The following KIDINS220 variants were observed in gnomAD, a reference collection of about 807,000 sequenced individuals.
KIDINS220 encodes the protein kinase D-interacting substrate of 220 kDa.
KIDINS220 carries 63 observed loss-of-function variants against 157.6 expected under a neutral mutation model. The ratio of observed to expected loss-of-function variants is 0.40; its 90% CI spans 0.33 to 0.49. The LOEUF is 0.49. KIDINS220 is among the 20% of genes least tolerant of loss of function. The probability of loss-of-function intolerance (pLI) is 0.66; values close to 1 mark genes in which losing one functional copy is unlikely to be tolerated. For synonymous variants in KIDINS220, 732 were observed against 783.6 expected (o/e 0.93, Z 1.10); for missense variants, 1,772 against 2,171.2 (o/e 0.82, Z 3.65).
In KIDINS220 at chr2:8,803,031, T is replaced by C; in HGVS notation, c.700A>G (p.Lys234Glu). 6.2e-7 allele frequency: 1 copy of C among 1,613,754 alleles called. No individual in the cohort carries two copies. Among genetic ancestry groups the C allele is most frequent in the Non-Finnish European group, 8.5e-7 (1 of 1,179,960 alleles). ...ATCATCAAAGCTGTATTTCCATCTT[T>C]ATCTGTTAAGTTTACATTTGGATTC... ...KRNPNVNLTD[K>E]DGNTALMIAS... The change falls in exon 8 of 30, where the codon AAA (lysine) becomes GAA (glutamate). Residue 234 changes from lysine (K) to glutamate (E), a missense_variant. Physicochemically the swap from Lys to Glu is moderately conservative, Grantham distance 56 (BLOSUM62 1). Around this residue, in one of 3 missense-constraint regions of KIDINS220, gnomAD observed 725 missense variants for 1,017.1 expected, o/e 0.71. Coordinates refer to ENST00000256707, the MANE Select transcript of KIDINS220 (RefSeq NM_020738.4).
chr2:8,799,839 G>A (rs1674452691), intron 9 of KIDINS220, among the ~76,000 whole-genome samples: 1 of 152,188 alleles, frequency 6.6e-6, no homozygotes, highest in African/African-American at 2.4e-5. Flanking sequence ...AGCTCTTGAA[G>A]TATTTGATAA....
Position 8,731,906 on chromosome 2 carries a change from T to G in KIDINS220, c.4130A>C (p.Asp1377Ala), listed in dbSNP as rs1448329150. The G allele has an allele frequency of 6.2e-7, 1 of 1,612,866 alleles. No homozygotes were observed. The highest frequency in any genetic ancestry group is 8.5e-7 in the Non-Finnish European group (1 of 1,179,712). ...DSSIEISKLT[D>A]KVQAEYRDAY... ...ATCTCTATACTCGGCCTGCACCTTA[T>G]CAGTAAGCTTTGAAATTTCAATACT... The change falls in exon 30 of 30, where the codon GAT becomes GCT. Residue 1377 changes from aspartate (D) to alanine (A), a missense_variant. Transcript: ENST00000256707. The surrounding 1 kb of genome is among the most constrained non-coding windows in gnomAD (Gnocchi z 5.2).
chr2:8,723,257 G>A (rs1663066656), downstream of KIDINS220: 2 of 152,324 alleles, frequency 1.3e-5, no homozygotes, highest in Non-Finnish European at 2.9e-5. Context: ...GAAGCCACAT[G>A]CGTCACTTCC....
chr2:8,786,753 C>T (rs12329306), intron 15 of KIDINS220, among the ~76,000 whole-genome samples: 62,929 of 151,834 alleles, frequency 0.41, 15,092 homozygotes, highest in East Asian at 0.59. Context: ...CTAACACCAA[C>T]GAAAGAGACT....
At chr2:8,757,590 A>G in intron 22 of KIDINS220, 1 of 1,563,330 alleles carries the variant, frequency 6.4e-7, no homozygotes, top group Non-Finnish European at 8.7e-7. Context: ...GAAGTTTTGA[A>G]TATTTGCCAT....
At chr2:8,743,257 A>C (rs1364476283) in intron 26 of KIDINS220, among the ~76,000 whole-genome samples, 1 of 152,222 alleles carries the variant, frequency 6.6e-6, no homozygotes, top group Non-Finnish European at 1.5e-5. Flanking sequence ...TAGGGCTAAG[A>C]AGCATCAACA....
At chr2:8,741,809 ATTTTTCACTATAC>A (rs1665664116) in intron 26 of KIDINS220, among the ~76,000 whole-genome samples, 1 of 152,212 alleles carries the variant, frequency 6.6e-6, no homozygotes, top group East Asian at 1.9e-4. Context: ...AGTGAAGACA[ATTTTTCACTATAC>A]TTTAATAAGA....
Position 8,803,074 on chromosome 2 carries a change from T to C in KIDINS220, c.657A>G (p.Val219=), listed in dbSNP as rs1558455180. ...TTGGATTCCTCTTCAAAATTTCTTT[T>C]ACTGACTGTGTGTAACCTCCTTTCA... ...VAVKGGYTQS[V]KEILKRNPNV... is the part of the protein sequence containing the mutation. Residue 219 remains valine, a synonymous_variant, in exon 8 of 30, where the codon GTA becomes GTG. Transcript: ENST00000256707. 2 of 1,613,058 alleles carry C rather than the reference T, an allele frequency of 1.2e-6. No homozygotes were observed. Among genetic ancestry groups the C allele is most frequent in the Non-Finnish European group, 8.5e-7 (1 of 1,179,960 alleles).
rs1441502574 is a variant in KIDINS220 at position 8,789,862 on chromosome 2, T to C, written c.1621+18A>G. 3 of 1,548,510 alleles carry C rather than the reference T, an allele frequency of 1.9e-6. No individual in the cohort carries two copies. Among genetic ancestry groups the C allele is most frequent in the Non-Finnish European group, 2.6e-6 (3 of 1,148,702 alleles). ...ACGTTTTCTCCATTTTTGAAAAAGA[T>C]AAAAAGCAAAGACTTACTAAAGAAT... is the stretch of plus-strand genomic sequence containing the variant. On this transcript the variant is annotated intron_variant, in intron 14 of 29. Coordinates refer to ENST00000256707, the MANE Select transcript of KIDINS220 (RefSeq NM_020738.4).
At chr2:8,796,691 T>A in intron 11 of KIDINS220, 80 bp downstream of exon 11, 3 of 1,046,376 alleles carry the variant, frequency 2.9e-6, no homozygotes, top group Non-Finnish European at 4.5e-6. Flanking sequence ...TAAAATCAGA[T>A]CCCCATTAAA....
chr2:8,827,118 T>C lies in KIDINS220; in HGVS notation c.-25A>G. The stretch of plus-strand genomic sequence containing the variant: ...TTTTCACAGAAAGCTGCAATTAACT[T>C]TATTTGAATACCTGTTAAATTAGAC... On this transcript the variant is annotated 5_prime_UTR_variant, in exon 2 of 30. Coordinates refer to ENST00000256707, the MANE Select transcript of KIDINS220 (RefSeq NM_020738.4). 1 of 1,269,690 alleles carries C rather than the reference T, an allele frequency of 7.9e-7. No homozygotes were observed. Among genetic ancestry groups the C allele is most frequent in the African/African-American group, 1.5e-5 (1 of 67,638 alleles). 78.7% of individuals were successfully genotyped at this position (1,269,690 alleles called of 1,614,324 possible). A position where few individuals can be genotyped will look rare whatever the true frequency, so the allele number is the denominator to read the frequency against.
At chr2:8,726,865 C>T (rs1053783836), downstream of KIDINS220, 2 of 1,269,298 alleles carry the variant, frequency 1.6e-6, no homozygotes, top group South Asian at 2.5e-5. Context: ...CAGCTGACTT[C>T]GAAAACTAAT....
intron 22 of KIDINS220, among the ~76,000 whole-genome samples, chr2:8,769,645 G>T (rs1453377720): frequency 6.6e-6 from 1 of 152,120 alleles, no homozygotes; most frequent in African/African-American, 2.4e-5. Flanking sequence ...TAACCGCTTA[G>T]CAAACGTTCA....
At chr2:8,747,503 C>T (rs1201501156) in intron 25 of KIDINS220, 2 of 460,172 alleles carry the variant, frequency 4.3e-6, no homozygotes, top group Non-Finnish European at 7.8e-6. Flanking sequence ...TCCTTCAATA[C>T]ATCCTCTATT....
At chr2:8,774,006 T>C (rs940141348) in intron 21 of KIDINS220, among the ~76,000 whole-genome samples, 4 of 151,990 alleles carry the variant, frequency 2.6e-5, no homozygotes, top group African/African-American at 9.7e-5. Context: ...AAAACAACAA[T>C]AAGAAAGACA....
chr2:8,757,121 GAA>G, intron 22 of KIDINS220: 3 of 317,812 alleles, frequency 9.4e-6, no homozygotes, highest in Non-Finnish European at 1.3e-5. Flanking sequence ...TTCATTTTAG[GAA>G]AAAAAAAAGA....
In KIDINS220 at chr2:8,744,389, ATATATAT is replaced by A. The variant is rs1666203283; in HGVS notation, c.3585+2749_3585+2755del. On this transcript the variant is annotated intron_variant, in intron 26 of 29. Coordinates refer to ENST00000256707, the MANE Select transcript of KIDINS220 (RefSeq NM_020738.4). The stretch of plus-strand genomic sequence containing the variant: ...AAAAAAAAAAAAAAAAAAAAAAAAA[ATATATAT>A]ATATAATATATATATATATATATAT... 3.6e-4 allele frequency among the ~76,000 whole-genome samples: 10 copies of A among 27,888 alleles called. 1 individual carries two copies. Among genetic ancestry groups the A allele is most frequent in the African/African-American group, 1.7e-3 (10 of 6,010 alleles). The allele number at this position is 27,888 out of a possible 152,430, so 18.3% of individuals were successfully genotyped here. A position where few individuals can be genotyped will look rare whatever the true frequency, so the allele number is the denominator to read the frequency against.
chr2:8,781,637 A>G (rs1671739868), intron 17 of KIDINS220, among the ~76,000 whole-genome samples: 2 of 152,214 alleles, frequency 1.3e-5, no homozygotes, highest in Non-Finnish European at 2.9e-5. Context: ...CAAAACATGC[A>G]GAGATTTAAA....
chr2:8,792,193 G>A lies in KIDINS220; in HGVS notation c.1277-969C>T, dbSNP rs186416703. 7.2e-5 allele frequency among the ~76,000 whole-genome samples: 11 copies of A among 152,240 alleles called. 1 individual carries two copies. Among genetic ancestry groups the A allele is most frequent in the Admixed American group, 6.5e-4 (10 of 15,286 alleles). ...TATAGGAAAAACTTTAAAAATCTTT[G>A]TTTAAAAAGGCCTTTCTTTTGCAAT... is the stretch of plus-strand genomic sequence containing the variant. On this transcript the variant is annotated intron_variant, in intron 12 of 29. Coordinates refer to ENST00000256707, the MANE Select transcript of KIDINS220 (RefSeq NM_020738.4).
Sources: allele counts gnomAD v4.1 joint callset (sites outside exome capture counted in the v4.1 genomes callset), GRCh38; gene constraint gnomAD v4.1.1; regional missense constraint gnomAD v4.1.1; non-coding constraint Gnocchi (gnomAD v3.1); transcripts MANE v1.5; gene names NCBI Gene and HGNC (gene_info 2026-07-23, HGNC 2026-07-21).